Variants in PSME4 observed in about 807,000 individuals in gnomAD.
The protein encoded by PSME4 is proteasome activator subunit 4.
Under a neutral mutation model 253.9 loss-of-function variants are expected in PSME4, and 89 were observed. The ratio of observed to expected loss-of-function variants is 0.35; its 90% confidence interval spans 0.30 to 0.42. The LOEUF is 0.42. PSME4 is among the 10% of genes least tolerant of loss of function. The pLI is 1.00. For synonymous variants in PSME4, 851 were observed against 759.2 expected, an observed-to-expected ratio of 1.12 and a Z score of -1.99; for missense variants, 2,014 against 2,195.2, an observed-to-expected ratio of 0.92 and a Z score of 1.65.
intron 1 of PSME4, among the ~76,000 whole-genome samples, chr2:53,959,399 C>T (rs805338): frequency 0.22 from 33,534 of 151,802 alleles, 4,104 homozygotes; most frequent in South Asian, 0.31. Flanking sequence ...CTGCTTAATC[C>T]CTGACAGCTA....
At position 53,926,014 on chromosome 2, in the gene PSME4, C is replaced by G. The variant is rs1186719785; in HGVS notation, c.1603G>C (p.Glu535Gln). 6.2e-7 allele frequency: 1 copy of G among 1,612,192 alleles called. No individual in the cohort carries two copies. The highest frequency in any genetic ancestry group is 8.5e-7 in the Non-Finnish European group (1 of 1,178,360). The change falls in exon 13 of 47, where the codon GAA becomes CAA. Residue 535 changes from glutamate to glutamine, a missense_variant. By Grantham distance (29) the Glu-to-Gln change is conservative. This residue lies in a region of PSME4 where 989 missense variants were observed against 1,021.1 expected (regional missense o/e 0.97). Coordinates refer to ENST00000404125, the MANE Select transcript of PSME4 (RefSeq NM_014614.3). ...ERNDLTEVERELCSATAEFED... is the reference protein window; with the variant it reads ...ERNDLTEVERQLCSATAEFED... ...AATTCAGCTGTGGCTGAACAAAGTT[C>G]TCGTTCCACCTATAATATCCCAATA...
intron 9 of PSME4, 68 bp downstream of exon 9, chr2:53,932,600 G>T: frequency 7.9e-7 from 1 of 1,266,190 alleles, no homozygotes; most frequent in Non-Finnish European, 1.2e-6. Context: ...TCACACAATA[G>T]GCAATAGTCA....
intron 1 of PSME4, among the ~76,000 whole-genome samples, chr2:53,952,541 TCAAA>T (rs530250103): frequency 2.9e-4 from 44 of 152,198 alleles, no homozygotes; most frequent in African/African-American, 9.6e-4. Context: ...AGACTCAGTC[TCAAA>T]CAAACAAACA....
intron 42 of PSME4, among the ~76,000 whole-genome samples, 169 bp from the exon 43 acceptor site, chr2:53,874,663 G>A (rs1440042708): frequency 6.6e-6 from 1 of 152,228 alleles, no homozygotes; most frequent in Non-Finnish European, 1.5e-5. Flanking sequence ...GAATGAGGCT[G>A]GGCACAGTGG....
intron 26 of PSME4, among the ~76,000 whole-genome samples, chr2:53,906,389 A>G (rs1680660992): frequency 6.6e-6 from 1 of 152,238 alleles, no homozygotes; most frequent in South Asian, 2.1e-4. Flanking sequence ...GCTGTTTTCT[A>G]TGCTAACATG....
intron 26 of PSME4, among the ~76,000 whole-genome samples, chr2:53,905,128 T>A (rs571252752): frequency 1.5e-3 from 232 of 151,158 alleles, no homozygotes; most frequent in African/African-American, 5.4e-3. Context: ...CTCCCAGGGT[T>A]CAAGCAACTC....
At chr2:53,933,416 G>C (rs1398864268) in intron 8 of PSME4, among the ~76,000 whole-genome samples, 1 of 128,104 alleles carries the variant, frequency 7.8e-6, no homozygotes, top group Non-Finnish European at 1.6e-5. Context: ...GTTTCCCTCT[G>C]TTGTCCAGGG....
At chr2:53,959,620 A>G (rs1670391870) in intron 1 of PSME4, among the ~76,000 whole-genome samples, 1 of 152,244 alleles carries the variant, frequency 6.6e-6, no homozygotes, top group African/African-American at 2.4e-5. Flanking sequence ...AAAGTAGCAG[A>G]GAAAACTAAG....
intron 36 of PSME4, among the ~76,000 whole-genome samples, chr2:53,892,249 T>A (rs1679942564): frequency 6.6e-6 from 1 of 152,206 alleles, no homozygotes; most frequent in Non-Finnish European, 1.5e-5. Context: ...GCTCAGGTGG[T>A]CCTGACATTT....
intron 20 of PSME4, among the ~76,000 whole-genome samples, chr2:53,916,597 A>G (rs959338734): frequency 6.6e-6 from 1 of 152,170 alleles, no homozygotes; most frequent in Non-Finnish European, 1.5e-5. Context: ...GAACAATGGG[A>G]CCATTTATTG....
At chr2:53,919,080 C>G (rs1668185126) in intron 20 of PSME4, 71 bp downstream of exon 20, 7 of 1,432,226 alleles carry the variant, frequency 4.9e-6, no homozygotes, top group Non-Finnish European at 6.7e-6. Flanking sequence ...ATAACAACAA[C>G]AAACCAATAA....
chr2:53,959,072 T>G (rs1237920777), intron 1 of PSME4, among the ~76,000 whole-genome samples: 1 of 152,232 alleles, frequency 6.6e-6, no homozygotes, highest in Non-Finnish European at 1.5e-5. Flanking sequence ...ATCCTAGCAC[T>G]TTGGGAAGCC....
chr2:53,957,890 G>A (rs1428094462), intron 1 of PSME4, among the ~76,000 whole-genome samples: 1 of 152,108 alleles, frequency 6.6e-6, no homozygotes, highest in African/African-American at 2.4e-5. Flanking sequence ...AACACTTTGA[G>A]CTTACAAAAA....
At chr2:53,938,832 T>C (rs114642775) in intron 4 of PSME4, among the ~76,000 whole-genome samples, 5,456 of 152,324 alleles carry the variant, frequency 0.036, 113 homozygotes, top group Non-Finnish European at 0.047. Context: ...AAAGCGTTTA[T>C]GTGTCAGGTC....
At chr2:53,888,067 T>C in intron 38 of PSME4, 78 bp from the exon 39 acceptor site, 1 of 1,385,558 alleles carries the variant, frequency 7.2e-7, no homozygotes. Flanking sequence ...AGACAATATC[T>C]GTATTTCACT....
At chr2:53,902,477 T>G (rs17189524) in intron 27 of PSME4, among the ~76,000 whole-genome samples, 4,966 of 152,326 alleles carry the variant, frequency 0.033, 104 homozygotes, top group Non-Finnish European at 0.047. Flanking sequence ...AGCTTATTAC[T>G]GACTTTGTAT....
At chr2:53,901,588 A>C (rs1680402742) in intron 27 of PSME4, 29 bp from the exon 28 acceptor site, 2 of 1,553,040 alleles carry the variant, frequency 1.3e-6, no homozygotes, top group East Asian at 4.5e-5. Flanking sequence ...ATATATGTTT[A>C]CATGGGAAAT....
At chr2:53,873,891 C>T (rs1020476262) in intron 43 of PSME4, among the ~76,000 whole-genome samples, 20 of 152,250 alleles carry the variant, frequency 1.3e-4, no homozygotes, top group Admixed American at 5.2e-4. Context: ...AATTTTTCTT[C>T]CATTTGTATT....
At chr2:53,944,836 T>G (rs1203761023) in intron 3 of PSME4, among the ~76,000 whole-genome samples, 9 of 151,714 alleles carry the variant, frequency 5.9e-5, no homozygotes, top group Admixed American at 4.6e-4. Context: ...CTTTAATAAA[T>G]CAATAGAGAA....
Sources: allele counts gnomAD v4.1 joint callset (sites outside exome capture counted in the v4.1 genomes callset), GRCh38; gene constraint gnomAD v4.1.1; regional missense constraint gnomAD v4.1.1; transcripts MANE v1.5; gene names NCBI Gene and HGNC (gene_info 2026-07-23, HGNC 2026-07-21).